The following IL17RA variants were observed in gnomAD, a reference collection of about 807,000 sequenced individuals.
IL17RA encodes interleukin 17 receptor A, also known as interleukin-17 receptor A.
A neutral mutation model predicts 50.4 loss-of-function variants in IL17RA; 34 were observed. The observed-to-expected ratio is 0.67, with a 90% CI of 0.51 to 0.90. The LOEUF (loss-of-function observed/expected upper bound fraction) is 0.90, where lower values mean the gene tolerates loss of function less well. Ranked by LOEUF, IL17RA falls within the 40% of genes least tolerant of loss-of-function variation. IL17RA has a pLI of 0.00. For missense variants in IL17RA, 1,276 were observed against 1,169.8 expected (o/e 1.09, Z -1.32); for synonymous variants, 585 against 510.4 (o/e 1.15, Z -1.97).
Position 17,108,424 on chromosome 22 carries a change from T to C in IL17RA, c.1205T>C (p.Leu402Pro), listed in dbSNP as rs2061422895. ...VDVVLKFAQFLLTACGTEVAL... is the reference protein window; with the variant it reads ...VDVVLKFAQFPLTACGTEVAL... The stretch of plus-strand genomic sequence containing the variant: ...GTGGTCCTGAAATTCGCCCAGTTCC[T>C]GCTCACCGCCTGCGGCACGGAAGTG... Residue 402 changes from leucine (L) to proline (P), a missense_variant, in exon 13 of 13, where the codon CTG becomes CCG. By Grantham distance (98) the Leu-to-Pro change is moderately conservative. Coordinates refer to ENST00000319363, the MANE Select transcript of IL17RA (RefSeq NM_014339.7). 2 of 1,614,070 alleles carry C rather than the reference T, an allele frequency of 1.2e-6. No individual in the cohort carries two copies. The highest frequency in any genetic ancestry group is 1.7e-6 in the Non-Finnish European group (2 of 1,180,032).
At chr22:17,095,589 T>G (rs2061365667) in intron 1 of IL17RA, among the ~76,000 whole-genome samples, 1 of 152,168 alleles carries the variant, frequency 6.6e-6, no homozygotes, top group Admixed American at 6.5e-5. Flanking sequence ...CAAGGTGAAA[T>G]AACCGCTTTT....
rs1568922413 is a variant in IL17RA, at chr22:17,106,551, A to G, written c.1045+597A>G. 1.3e-5 allele frequency among the ~76,000 whole-genome samples: 2 copies of G among 152,204 alleles called. 1 individual carries two copies. The highest frequency in any genetic ancestry group is 4.1e-4 in the South Asian group (2 of 4,828). On this transcript the variant is annotated intron_variant, in intron 11 of 12. Transcript: ENST00000319363. ...TTGCTGGTGGGGATTAGTACATACC[A>G]GTGTCTTCTCCCACCTGCAGCCCTC...
intron 1 of IL17RA, among the ~76,000 whole-genome samples, chr22:17,095,966 A>G (rs1388686470): frequency 1.3e-5 from 2 of 151,996 alleles, no homozygotes; most frequent in African/African-American, 4.8e-5. Context: ...GCTTAGCCCT[A>G]CCTCTCTGTT....
chr22:17,104,787 G>A lies in IL17RA; in HGVS notation c.908G>A (p.Cys303Tyr). 1 of 1,614,110 alleles carries A rather than the reference G, an allele frequency of 6.2e-7. No homozygotes were observed. Among genetic ancestry groups the A allele is most frequent in the Non-Finnish European group, 8.5e-7 (1 of 1,179,976 alleles). ...CTCAGACACTCCGCGACTGTTTCCTGCCCAGAAATGCCAGACACTCCAGGT... is the reference window on the plus strand; with the variant it reads ...CTCAGACACTCCGCGACTGTTTCCTACCCAGAAATGCCAGACACTCCAGGT... ...DCLRHSATVS[C>Y]PEMPDTPEPI... Residue 303 changes from cysteine (C) to tyrosine (Y), a missense_variant, in exon 9 of 13, where the codon TGC becomes TAC. Coordinates refer to ENST00000319363, the MANE Select transcript of IL17RA (RefSeq NM_014339.7).
intron 1 of IL17RA, among the ~76,000 whole-genome samples, chr22:17,090,761 CAATT>C (rs530744587): frequency 6.6e-6 from 1 of 152,172 alleles, no homozygotes; most frequent in Non-Finnish European, 1.5e-5. Flanking sequence ...ATTTATATAA[CAATT>C]AAGTAATCTT....
chr22:17,106,813 C>A (rs942038153), intron 11 of IL17RA, among the ~76,000 whole-genome samples: 1 of 152,200 alleles, frequency 6.6e-6, no homozygotes, highest in Admixed American at 6.5e-5. Context: ...AGCATCTCGG[C>A]CAGTGCTCCA....
chr22:17,101,147 G>A (rs2061389878), intron 5 of IL17RA, among the ~76,000 whole-genome samples: 1 of 152,246 alleles, frequency 6.6e-6, no homozygotes, highest in Non-Finnish European at 1.5e-5. Context: ...TCGAACTCCT[G>A]GGCTCATGCG....
chr22:17,094,182 C>T (rs2061357502), intron 1 of IL17RA, among the ~76,000 whole-genome samples: 1 of 151,948 alleles, frequency 6.6e-6, no homozygotes, highest in Non-Finnish European at 1.5e-5. Flanking sequence ...CAGGGTTTCA[C>T]CATCTCTTGG....
At chr22:17,100,550 G>C (rs1412337756) in intron 5 of IL17RA, 69 bp downstream of exon 5, 1 of 1,582,302 alleles carries the variant, frequency 6.3e-7, no homozygotes, top group African/African-American at 1.3e-5. Context: ...AGGTGGCACA[G>C]ATGCCAGCCC....
chr22:17,094,671 C>CTATATATATATATATGTGTATATATATA, intron 1 of IL17RA, among the ~76,000 whole-genome samples: 1 of 40,766 alleles, frequency 2.5e-5, no homozygotes, highest in Non-Finnish European at 5.0e-5. Flanking sequence ...CTCTCTCTCT[C>CTATATATATATATATGTGTATATATATA]TCTCTCTCTC....
chr22:17,097,079 C>T lies in IL17RA; in HGVS notation c.156C>T (p.Val52=). The part of the protein sequence containing the change: ...VCSQPGLNCT[V]KNSTCLDDSW... ...TTCCACAGGGGCTAAACTGCACGGT[C>T]AAGAATAGTAAGTCATCTTTTTCTG... The change falls in exon 2 of 13, where the codon GTC becomes GTT. Residue 52 remains valine (V), a synonymous_variant. Transcript: ENST00000319363. 6.2e-7 allele frequency: 1 copy of T among 1,613,536 alleles called. No homozygotes were observed. The highest frequency in any genetic ancestry group is 2.2e-5 in the East Asian group (1 of 44,866).
intron 1 of IL17RA, among the ~76,000 whole-genome samples, chr22:17,088,569 TC>T (rs1031776606): frequency 2.6e-5 from 4 of 151,698 alleles, no homozygotes; most frequent in African/African-American, 9.7e-5. Context: ...CACTGCAACA[TC>T]CACCTCCCAG....
intron 4 of IL17RA, among the ~76,000 whole-genome samples, chr22:17,099,689 A>G (rs552048244): frequency 6.6e-6 from 1 of 152,306 alleles, no homozygotes; most frequent in East Asian, 1.9e-4. Context: ...CTTGACTGCT[A>G]TGCGAATGGT....
At chr22:17,104,847 G>T in intron 9 of IL17RA, 37 bp downstream of exon 9, 1 of 1,600,082 alleles carries the variant, frequency 6.2e-7, no homozygotes, top group South Asian at 1.1e-5. Context: ...CATACTGGGA[G>T]AACAAGTGGC....
rs1344678085 is a variant in IL17RA at position 17,113,770 on chromosome 22, G to A, written c.*3950G>A. The A allele has an allele frequency of 6.6e-6, 1 of 152,330 alleles. No individual in the cohort carries two copies. Among genetic ancestry groups the A allele is most frequent in the Non-Finnish European group, 1.5e-5 (1 of 68,118 alleles). The allele number at this position is 152,330 out of a possible 1,614,324, so 9.4% of individuals were successfully genotyped here. A position where few individuals can be genotyped will look rare whatever the true frequency, so the allele number is the denominator to read the frequency against. ...CCACAAGTCAACTGTGTCGGACAGA[G>A]GATCCTTACAAAGAAGAGGCAGCAG... On this transcript the variant is annotated 3_prime_UTR_variant, in exon 13 of 13. Transcript: ENST00000319363.
intron 7 of IL17RA, 118 bp from the exon 8 acceptor site, chr22:17,103,376 C>T: frequency 1.3e-6 from 1 of 775,802 alleles, no homozygotes; most frequent in Non-Finnish European, 2.3e-6. Context: ...GCATTTCTCC[C>T]CTGGCCTTCC....
At chr22:17,102,108 C>A in intron 6 of IL17RA, 31 bp from the exon 7 acceptor site, 1 of 1,614,178 alleles carries the variant, frequency 6.2e-7, no homozygotes, top group Non-Finnish European at 8.5e-7. Flanking sequence ...TGCCCCTCCT[C>A]ACTCCCAGCC....
At chr22:17,094,668 T>TCTCTCTCTCTCTCTCTCC (rs763628297) in intron 1 of IL17RA, among the ~76,000 whole-genome samples, 976 of 33,536 alleles carry the variant, frequency 0.029, 51 homozygotes, top group Middle Eastern at 0.11. Flanking sequence ...TCTCTCTCTC[T>TCTCTCTCTCTCTCTCTCC]CTCTCTCTCT....
intron 9 of IL17RA, among the ~76,000 whole-genome samples, chr22:17,105,148 T>G (rs948272805): frequency 7.9e-5 from 12 of 152,214 alleles, no homozygotes; most frequent in African/African-American, 2.9e-4. Flanking sequence ...CGTCCATTTT[T>G]TCATCCTCAC....
Sources: allele counts gnomAD v4.1 joint callset (sites outside exome capture counted in the v4.1 genomes callset), GRCh38; gene constraint gnomAD v4.1.1; transcripts MANE v1.5; gene names NCBI Gene and HGNC (gene_info 2026-07-23, HGNC 2026-07-21).